ITGA8: variants seen among roughly 807,000 people sequenced by gnomAD.
ITGA8 encodes the protein integrin alpha-8.
In ITGA8, 91 loss-of-function variants were observed where a neutral mutation model predicts 142.3. The ratio of observed to expected loss-of-function variants is 0.64; its 90% confidence interval spans 0.54 to 0.76. The LOEUF (loss-of-function observed/expected upper bound fraction) is 0.76, where lower values mean the gene tolerates loss of function less well. Among genes scored for constraint, ITGA8 ranks in the 30% least tolerant of loss-of-function variants. ITGA8 has a pLI of 0.00. For synonymous variants in ITGA8, 505 were observed against 485.2 expected, an observed-to-expected ratio of 1.04 and a Z score of -0.54; for missense variants, 1,406 against 1,327.7, an observed-to-expected ratio of 1.06 and a Z score of -0.92.
chr10:15,681,910 A>AT (rs1452618513), intron 4 of ITGA8, among the ~76,000 whole-genome samples: 1 of 152,150 alleles, frequency 6.6e-6, no homozygotes, highest in Non-Finnish European at 1.5e-5. Context: ...TTTCTGATAT[A>AT]TTTTGGATAT....
intron 17 of ITGA8, 102 bp from the exon 18 acceptor site, chr10:15,606,524 A>C: frequency 8.8e-7 from 1 of 1,139,120 alleles, no homozygotes; most frequent in Non-Finnish European, 1.3e-6. Flanking sequence ...AATGAAAGTG[A>C]ATGATGAAAC....
intron 13 of ITGA8, among the ~76,000 whole-genome samples, chr10:15,629,214 C>A (rs1463104665): frequency 6.6e-6 from 1 of 151,996 alleles, no homozygotes; most frequent in Admixed American, 6.5e-5. Flanking sequence ...GTCACACAAA[C>A]CTGCCTCTCC....
chr10:15,586,694 T>C (rs1166748931), intron 22 of ITGA8, 30 bp from the exon 23 acceptor site: 2 of 1,295,424 alleles, frequency 1.5e-6, no homozygotes, highest in African/African-American at 1.5e-5. Context: ...GATTTAAATC[T>C]ATCTGCTCAG....
chr10:15,657,689 G>A (rs1365158820), intron 10 of ITGA8, among the ~76,000 whole-genome samples: 2 of 151,912 alleles, frequency 1.3e-5, no homozygotes, highest in South Asian at 2.1e-4. Flanking sequence ...GAAGCCAGTT[G>A]TGAACTGAAT....
intron 24 of ITGA8, among the ~76,000 whole-genome samples, chr10:15,574,539 C>T (rs1255713705): frequency 2.0e-5 from 3 of 152,086 alleles, no homozygotes; most frequent in Non-Finnish European, 2.9e-5. Flanking sequence ...TACAGGCTCA[C>T]GCCACCAAGC....
intron 22 of ITGA8, among the ~76,000 whole-genome samples, chr10:15,591,743 CA>C (rs1832926961): frequency 6.6e-6 from 1 of 152,180 alleles, no homozygotes; most frequent in South Asian, 2.1e-4. Flanking sequence ...GGCTTGCCCT[CA>C]AAATGGAGTA....
chr10:15,651,656 T>C (rs543452355), intron 11 of ITGA8, among the ~76,000 whole-genome samples: 17 of 152,100 alleles, frequency 1.1e-4, no homozygotes, highest in Non-Finnish European at 2.4e-4. Flanking sequence ...ACAAATGTAC[T>C]TAACTATCTC....
chr10:15,563,309 A>C (rs894729579), intron 25 of ITGA8, among the ~76,000 whole-genome samples: 1 of 152,226 alleles, frequency 6.6e-6, no homozygotes. Flanking sequence ...CTGATAGAAC[A>C]GTTTTGATGG....
chr10:15,519,847 T>C (rs150320035), intron 28 of ITGA8, among the ~76,000 whole-genome samples: 39 of 152,296 alleles, frequency 2.6e-4, no homozygotes, highest in African/African-American at 9.1e-4. Flanking sequence ...TGAACAACCA[T>C]GAATCCTTGG....
chr10:15,537,959 A>C (rs1833480443), intron 27 of ITGA8, among the ~76,000 whole-genome samples: 1 of 144,608 alleles, frequency 6.9e-6, no homozygotes, highest in Non-Finnish European at 1.5e-5. Flanking sequence ...CTCTACAAAA[A>C]ACAAAACAAA....
intron 15 of ITGA8, among the ~76,000 whole-genome samples, chr10:15,609,957 T>C (rs1176488454): frequency 6.6e-6 from 1 of 152,198 alleles, no homozygotes; most frequent in Non-Finnish European, 1.5e-5. Flanking sequence ...GGATGGTATA[T>C]AGTTGATAAA....
At chr10:15,618,012 G>T (rs1833425215) in intron 13 of ITGA8, among the ~76,000 whole-genome samples, 1 of 152,136 alleles carries the variant, frequency 6.6e-6, no homozygotes, top group South Asian at 2.1e-4. Flanking sequence ...CTTATAAGTG[G>T]GAGCTAAAAC....
At chr10:15,561,276 G>A (rs1043783086) in intron 25 of ITGA8, among the ~76,000 whole-genome samples, 1 of 146,562 alleles carries the variant, frequency 6.8e-6, no homozygotes, top group Non-Finnish European at 1.5e-5. Context: ...GTTTATGGAT[G>A]TGGAAAAATA....
chr10:15,536,469 A>C (rs532642613), intron 27 of ITGA8, among the ~76,000 whole-genome samples: 1 of 152,344 alleles, frequency 6.6e-6, no homozygotes, highest in South Asian at 2.1e-4. Flanking sequence ...AATTACGGGC[A>C]GAGGTGTAAT....
intron 27 of ITGA8, among the ~76,000 whole-genome samples, chr10:15,535,899 G>C (rs139218822): frequency 8.4e-4 from 128 of 152,002 alleles, no homozygotes; most frequent in African/African-American, 2.9e-3. Flanking sequence ...CACTCACCTC[G>C]AAGGTCTGCA....
chr10:15,709,593 A>G (rs983466743), intron 2 of ITGA8, among the ~76,000 whole-genome samples: 4 of 152,184 alleles, frequency 2.6e-5, no homozygotes, highest in Non-Finnish European at 4.4e-5. Context: ...TTTAAGGTCT[A>G]TGGGATTATC....
chr10:15,526,469 C>T (rs187410862), intron 28 of ITGA8, among the ~76,000 whole-genome samples: 2 of 152,278 alleles, frequency 1.3e-5, no homozygotes, highest in East Asian at 3.9e-4. Context: ...AGCCACCGCA[C>T]CCGGCCCATT....
intron 28 of ITGA8, 62 bp from the exon 29 acceptor site, chr10:15,519,474 T>A: frequency 1.4e-5 from 22 of 1,540,788 alleles, no homozygotes; most frequent in Non-Finnish European, 2.0e-5. Flanking sequence ...AATAAAATAG[T>A]AATTACCAGT....
At chr10:15,557,102 C>A (rs1164658870) in intron 26 of ITGA8, among the ~76,000 whole-genome samples, 2 of 152,122 alleles carry the variant, frequency 1.3e-5, no homozygotes, top group Admixed American at 1.3e-4. Context: ...TGACTCTGAC[C>A]GGGCATGGTG....
Sources: gnomAD v4.1 joint callset for allele counts (sites outside exome capture counted in the v4.1 genomes callset) on GRCh38, gnomAD v4.1.1 for gene constraint, MANE v1.5 for transcripts, NCBI Gene and HGNC (gene_info 2026-07-23, HGNC 2026-07-21) for gene names.